Variants in RABGAP1L observed in about 807,000 individuals in gnomAD.
The protein encoded by RABGAP1L is rab GTPase-activating protein 1-like.
In RABGAP1L, 63 loss-of-function variants were observed where a neutral mutation model predicts 137.7. The observed-to-expected ratio is 0.46, with a 90% CI of 0.37 to 0.56. The LOEUF (loss-of-function observed/expected upper bound fraction) is 0.56, where lower values mean the gene tolerates loss of function less well. Ranked by LOEUF, RABGAP1L falls within the 20% of genes least tolerant of loss-of-function variation. The pLI, the probability that RABGAP1L is intolerant of heterozygous loss-of-function variation, is 0.00. For missense variants in RABGAP1L, 1,095 were observed against 1,244.0 expected (o/e 0.88, Z 1.80); for synonymous variants, 431 against 433.7 (o/e 0.99, Z 0.08).
chr1:174,519,116 C>G (rs1463971474), intron 13 of RABGAP1L, among the ~76,000 whole-genome samples: 1 of 151,508 alleles, frequency 6.6e-6, no homozygotes, highest in Non-Finnish European at 1.5e-5. Context: ...CATACACACA[C>G]ACACACGTTA....
At chr1:174,532,391 T>C (rs1664496045) in intron 13 of RABGAP1L, among the ~76,000 whole-genome samples, 2 of 151,898 alleles carry the variant, frequency 1.3e-5, no homozygotes, top group African/African-American at 4.8e-5. Context: ...GTATTTTTAG[T>C]AGAGACAGGG....
rs190905207 is a variant in RABGAP1L at position 174,562,770 on chromosome 1, C to T, written c.1711-74605C>T. Among the ~76,000 whole-genome samples the T allele has an allele frequency of 2.3e-3, 357 of 152,178 alleles. 1 individual carries two copies. The highest frequency in any genetic ancestry group is 5.6e-3 in the African/African-American group (234 of 41,518). On this transcript the variant is annotated intron_variant, in intron 13 of 25. Transcript: ENST00000681986. Reference sequence around the variant, plus strand: ...AACACAAGAACAGAAAACCAAACACCGCATGTTCTCACTCGTAAGTGGGAG... The same window carrying T: ...AACACAAGAACAGAAAACCAAACACTGCATGTTCTCACTCGTAAGTGGGAG...
intron 13 of RABGAP1L, among the ~76,000 whole-genome samples, chr1:174,489,870 A>G (rs966144835): frequency 6.6e-6 from 1 of 151,924 alleles, no homozygotes; most frequent in Admixed American, 6.6e-5. Flanking sequence ...AAAGGTCACT[A>G]ATTCTTTCTT....
intron 13 of RABGAP1L, among the ~76,000 whole-genome samples, chr1:174,466,538 G>C (rs1657312615): frequency 6.6e-6 from 1 of 152,174 alleles, no homozygotes; most frequent in South Asian, 2.1e-4. Flanking sequence ...TGTAATCCCA[G>C]CACTTTGGGA....
chr1:174,687,420 C>CTGA (rs1397068718), intron 15 of RABGAP1L, among the ~76,000 whole-genome samples: 1 of 152,126 alleles, frequency 6.6e-6, no homozygotes, highest in Non-Finnish European at 1.5e-5. Flanking sequence ...GAACAATGAA[C>CTGA]TGATATTCAG....
chr1:174,523,682 G>C (rs1382131776), intron 13 of RABGAP1L, among the ~76,000 whole-genome samples: 1 of 152,094 alleles, frequency 6.6e-6, no homozygotes, highest in South Asian at 2.1e-4. Context: ...TGATAATACT[G>C]TTGTTAACTA....
intron 1 of RABGAP1L, among the ~76,000 whole-genome samples, chr1:174,205,341 G>C (rs1174254972): frequency 2.0e-5 from 3 of 152,138 alleles, no homozygotes; most frequent in Admixed American, 6.5e-5. Flanking sequence ...CAGTTTTTTG[G>C]AATAGTTTCT....
intron 12 of RABGAP1L, among the ~76,000 whole-genome samples, chr1:174,373,166 T>G (rs1368556619): frequency 6.6e-6 from 1 of 152,188 alleles, no homozygotes; most frequent in Non-Finnish European, 1.5e-5. Flanking sequence ...TAGATGGTCC[T>G]GAGTTAGGAC....
At chr1:174,415,429 C>CTT (rs113856511) in intron 13 of RABGAP1L, among the ~76,000 whole-genome samples, 4 of 151,302 alleles carry the variant, frequency 2.6e-5, no homozygotes, top group East Asian at 1.9e-4. Context: ...GATATGCATA[C>CTT]TTTTTTTTTC....
intron 1 of RABGAP1L, among the ~76,000 whole-genome samples, chr1:174,213,102 C>T (rs915281505): frequency 1.3e-5 from 2 of 152,126 alleles, no homozygotes; most frequent in African/African-American, 4.8e-5. Flanking sequence ...TGAACTTTCC[C>T]AAACATTTAG....
intron 18 of RABGAP1L, among the ~76,000 whole-genome samples, chr1:174,807,978 CTT>C (rs144433289): frequency 2.6e-4 from 25 of 94,534 alleles, no homozygotes; most frequent in Non-Finnish European, 2.4e-4. Context: ...ACAACAAATT[CTT>C]TTTTTTTTTT....
chr1:174,848,574 A>T (rs1367892092), intron 19 of RABGAP1L, among the ~76,000 whole-genome samples: 1 of 148,014 alleles, frequency 6.8e-6, no homozygotes, highest in Admixed American at 6.7e-5. Context: ...TTGAGGAGGC[A>T]GTCTGCCCGT....
At chr1:174,781,084 C>G (rs915330182) in intron 18 of RABGAP1L, among the ~76,000 whole-genome samples, 6 of 152,064 alleles carry the variant, frequency 3.9e-5, no homozygotes, top group South Asian at 2.1e-4. Context: ...GGTATATACC[C>G]AGTAATGGGA....
At chr1:174,893,480 G>A (rs899269550) in intron 19 of RABGAP1L, among the ~76,000 whole-genome samples, 3 of 151,990 alleles carry the variant, frequency 2.0e-5, no homozygotes, top group African/African-American at 7.2e-5. Context: ...TTCCTCCTAG[G>A]AAGAAAGAAA....
At chr1:174,433,565 T>C (rs1002219775) in intron 13 of RABGAP1L, among the ~76,000 whole-genome samples, 5 of 152,218 alleles carry the variant, frequency 3.3e-5, no homozygotes, top group African/African-American at 1.2e-4. Context: ...TCTCAAAGTG[T>C]TGTATAACTG....
chr1:174,423,986 A>G (rs2149174110), intron 13 of RABGAP1L, among the ~76,000 whole-genome samples: 1 of 152,232 alleles, frequency 6.6e-6, no homozygotes, highest in Non-Finnish European at 1.5e-5. Context: ...CCTTGTTTCT[A>G]AAGGAAAAAT....
intron 13 of RABGAP1L, among the ~76,000 whole-genome samples, chr1:174,595,982 G>C (rs1438195698): frequency 9.8e-6 from 1 of 102,000 alleles, no homozygotes. Flanking sequence ...TTTGATCTCA[G>C]ACTGCTGTGC....
chr1:174,339,600 C>T (rs1236468188), intron 11 of RABGAP1L, among the ~76,000 whole-genome samples: 1 of 150,426 alleles, frequency 6.6e-6, no homozygotes, highest in Non-Finnish European at 1.5e-5. Context: ...TGTTTGAAGG[C>T]AATTTTATCT....
intron 13 of RABGAP1L, among the ~76,000 whole-genome samples, chr1:174,454,069 C>T: frequency 6.6e-6 from 1 of 152,094 alleles, no homozygotes; most frequent in African/African-American, 2.4e-5. Flanking sequence ...TCAAAGCCAT[C>T]CCGGCCAAAA....
Sources: gnomAD v4.1 joint callset for allele counts (sites outside exome capture counted in the v4.1 genomes callset) on GRCh38, gnomAD v4.1.1 for gene constraint, MANE v1.5 for transcripts, NCBI Gene and HGNC (gene_info 2026-07-23, HGNC 2026-07-21) for gene names.